The following EPS15 variants were observed in gnomAD, a reference collection of about 807,000 sequenced individuals.
EPS15 encodes epidermal growth factor receptor substrate 15.
A neutral mutation model predicts 113.8 loss-of-function variants in EPS15; 72 were observed. The ratio of observed to expected loss-of-function variants is 0.63; its 90% CI spans 0.52 to 0.77. EPS15 has a LOEUF of 0.77. Among genes scored for constraint, EPS15 ranks in the 30% least tolerant of loss-of-function variants. The probability of loss-of-function intolerance (pLI) is 0.00; values close to 1 mark genes in which losing one functional copy is unlikely to be tolerated. For synonymous variants in EPS15, 344 were observed against 363.4 expected (o/e 0.95, Z 0.61); for missense variants, 1,048 against 1,045.8 (o/e 1.00, Z -0.03).
At chr1:51,483,901 A>G (rs191562287) in intron 1 of EPS15, among the ~76,000 whole-genome samples, 179 of 152,132 alleles carry the variant, frequency 1.2e-3, no homozygotes, top group Non-Finnish European at 1.9e-3. Context: ...GCTTCAATCT[A>G]AGAGTTTGAG....
intron 13 of EPS15, among the ~76,000 whole-genome samples, chr1:51,420,321 T>C (rs941317486): frequency 3.3e-5 from 5 of 152,128 alleles, no homozygotes; most frequent in Admixed American, 3.3e-4. Flanking sequence ...TCTTCTAAAC[T>C]GGGTATTTAA....
At chr1:51,452,733 T>C (rs80103564) in intron 8 of EPS15, among the ~76,000 whole-genome samples, 1 of 152,210 alleles carries the variant, frequency 6.6e-6, no homozygotes, top group Non-Finnish European at 1.5e-5. Context: ...TTTTCCAAAT[T>C]TGATCAGCTT....
intron 1 of EPS15, among the ~76,000 whole-genome samples, chr1:51,487,942 G>A (rs1410243984): frequency 3.3e-5 from 5 of 151,576 alleles, no homozygotes; most frequent in Non-Finnish European, 7.4e-5. Flanking sequence ...TCACTTTTTA[G>A]GCAGGGAAAA....
intron 1 of EPS15, among the ~76,000 whole-genome samples, chr1:51,508,370 AAGAAAGAAAGAAAG>A (rs1229228352): frequency 2.1e-5 from 3 of 144,226 alleles, no homozygotes; most frequent in South Asian, 4.2e-4. Context: ...GAAAGAAAGA[AAGAAAGAAAGAAAG>A]AGAAAATTTA....
chr1:51,468,318 A>G (rs1264198767), intron 5 of EPS15, among the ~76,000 whole-genome samples, 155 bp downstream of exon 5: 1 of 152,192 alleles, frequency 6.6e-6, no homozygotes, highest in African/African-American at 2.4e-5. Context: ...GAAATTAACT[A>G]AAAACAGCAG....
intron 1 of EPS15, among the ~76,000 whole-genome samples, chr1:51,501,042 T>C (rs1319526339): frequency 6.6e-6 from 1 of 151,830 alleles, no homozygotes; most frequent in Non-Finnish European, 1.5e-5. Context: ...TCCTCATATA[T>C]TAAAAAACAC....
chr1:51,364,563 T>C (rs1646464835), intron 22 of EPS15, among the ~76,000 whole-genome samples: 1 of 151,986 alleles, frequency 6.6e-6, no homozygotes, highest in Non-Finnish European at 1.5e-5. Flanking sequence ...GGCACAATCA[T>C]AGCTCACTGC....
chr1:51,500,707 G>A (rs532713244), intron 1 of EPS15, among the ~76,000 whole-genome samples: 18 of 152,218 alleles, frequency 1.2e-4, no homozygotes, highest in African/African-American at 3.9e-4. Flanking sequence ...TCTGTAGGTC[G>A]GGTGCAGTGG....
chr1:51,429,517 T>A (rs1434404109), intron 12 of EPS15, among the ~76,000 whole-genome samples: 1 of 152,054 alleles, frequency 6.6e-6, no homozygotes, highest in Non-Finnish European at 1.5e-5. Flanking sequence ...GAGAAAATTC[T>A]AGACAGACTA....
rs555762762 is a variant in EPS15 at position 51,480,954 on chromosome 1, A to G, written c.75+319T>C. On this transcript the variant is annotated intron_variant, in intron 2 of 24. Transcript: ENST00000371733. ...TTCACTTTGTGAAAATTATACTTTA[A>G]TAAGTCTTAAAAACAACATAGAAGT... Among the ~76,000 whole-genome samples, 10 of 152,364 alleles carry G rather than the reference A, an allele frequency of 6.6e-5. No homozygotes were observed. The South Asian group carries it at 1.7e-3, about 25-fold the overall frequency.
intron 2 of EPS15, among the ~76,000 whole-genome samples, chr1:51,477,277 T>C (rs1643925923): frequency 6.6e-6 from 1 of 152,208 alleles, no homozygotes; most frequent in Non-Finnish European, 1.5e-5. Flanking sequence ...GTAGTTTGTA[T>C]TTCTGTGGGA....
intron 20 of EPS15, among the ~76,000 whole-genome samples, chr1:51,396,007 C>G (rs1037455576): frequency 6.6e-6 from 1 of 152,096 alleles, no homozygotes. Flanking sequence ...CTGGGACTAA[C>G]CTTCTCTCTT....
At chr1:51,500,259 A>G (rs1557528633) in intron 1 of EPS15, among the ~76,000 whole-genome samples, 1 of 152,354 alleles carries the variant, frequency 6.6e-6, no homozygotes, top group East Asian at 1.9e-4. Flanking sequence ...AAACACTGGT[A>G]TACAAATGTG....
intron 13 of EPS15, among the ~76,000 whole-genome samples, chr1:51,410,852 G>C (rs1570242258): frequency 6.6e-6 from 1 of 152,204 alleles, no homozygotes. Flanking sequence ...CACTTTAAAT[G>C]CTACTTAAAA....
In EPS15 at chr1:51,372,318, G is replaced by A. The variant is rs528751977; in HGVS notation, c.2120-6289C>T. The stretch of plus-strand genomic sequence containing the variant: ...GGTCCACCTTCCGGTGCTGCTCAGT[G>A]TGGTGGATCATTTCAACCGAATCAG... On this transcript the variant is annotated intron_variant, in intron 21 of 24. Coordinates refer to ENST00000371733, the MANE Select transcript of EPS15 (RefSeq NM_001981.3). 4.2e-5 allele frequency: 22 copies of A among 527,242 alleles called. No individual in the cohort carries two copies. In the East Asian group the frequency reaches 1.2e-3, roughly 28 times the overall value. The allele number at this position is 527,242 out of a possible 1,614,324, so 32.7% of individuals were successfully genotyped here.
intron 16 of EPS15, among the ~76,000 whole-genome samples, chr1:51,404,377 CA>C (rs35682249): frequency 0.03 from 2,940 of 99,652 alleles, 81 homozygotes; most frequent in African/African-American, 0.091. Context: ...GACTCCGTCT[CA>C]AAAAAAAAAA....
chr1:51,400,437 G>A (rs1479096652), intron 19 of EPS15, among the ~76,000 whole-genome samples: 1 of 152,140 alleles, frequency 6.6e-6, no homozygotes, highest in Non-Finnish European at 1.5e-5. Context: ...ACACCTGTCT[G>A]TAATCGCAGC....
At chr1:51,493,525 AAATTAAATAAAT>A (rs1557522848) in intron 1 of EPS15, among the ~76,000 whole-genome samples, 1 of 115,066 alleles carries the variant, frequency 8.7e-6, no homozygotes, top group East Asian at 2.9e-4. Flanking sequence ...ACTCAGTCTC[AAATTAAATAAAT>A]AAATAAATAA....
intron 7 of EPS15, among the ~76,000 whole-genome samples, chr1:51,462,719 C>G (rs574927312): frequency 1.3e-5 from 2 of 151,566 alleles, no homozygotes; most frequent in Non-Finnish European, 2.9e-5. Flanking sequence ...GAATTCATGG[C>G]GATGGATATT....
Sources: allele counts gnomAD v4.1 joint callset (sites outside exome capture counted in the v4.1 genomes callset), GRCh38; gene constraint gnomAD v4.1.1; transcripts MANE v1.5; gene names NCBI Gene and HGNC (gene_info 2026-07-23, HGNC 2026-07-21).